PAK1: variants seen among roughly 807,000 people sequenced by gnomAD.
PAK1 encodes p21 (RAC1) activated kinase 1.
PAK1 carries 29 observed loss-of-function variants against 67.4 expected under a neutral mutation model. The ratio of observed to expected loss-of-function variants is 0.43; its 90% CI spans 0.32 to 0.59. The LOEUF (loss-of-function observed/expected upper bound fraction) is 0.59, where lower values mean the gene tolerates loss of function less well. Among genes scored for constraint, PAK1 ranks in the 20% least tolerant of loss-of-function variants. The pLI, the probability that PAK1 is intolerant of heterozygous loss-of-function variation, is 0.07. For missense variants in PAK1, 337 were observed against 670.7 expected, an observed-to-expected ratio of 0.50 and a Z score of 5.50; for synonymous variants, 223 against 237.4, an observed-to-expected ratio of 0.94 and a Z score of 0.56.
At chr11:77,443,859 A>C (rs1194559063) in intron 1 of PAK1, among the ~76,000 whole-genome samples, 1 of 152,240 alleles carries the variant, frequency 6.6e-6, no homozygotes, top group Non-Finnish European at 1.5e-5. Context: ...TAGGGCACCA[A>C]GCAGCTGTGA....
At position 77,325,346 on chromosome 11, in the gene PAK1, T is replaced by C; in HGVS notation, c.1552-1986A>G. 3 of 1,613,818 alleles carry C rather than the reference T, an allele frequency of 1.9e-6. 1 individual carries two copies. Among genetic ancestry groups the C allele is most frequent in the Non-Finnish European group, 1.7e-6 (2 of 1,179,850 alleles). On this transcript the variant is annotated intron_variant, in intron 14 of 14. Transcript: ENST00000356341. The stretch of plus-strand genomic sequence containing the variant: ...TACTTACCAGCTATCATGGAAAAGT[T>C]ACTAAACACTTGAAACCTCAGTTTT...
chr11:77,337,178 C>T (rs958372115), intron 12 of PAK1, 146 bp downstream of exon 12: 2 of 487,000 alleles, frequency 4.1e-6, no homozygotes, highest in Non-Finnish European at 7.4e-6. Context: ...ATGATTAATA[C>T]AGAAAATATA....
At chr11:77,399,783 C>T (rs1362391479) in intron 1 of PAK1, among the ~76,000 whole-genome samples, 5 of 118,010 alleles carry the variant, frequency 4.2e-5, no homozygotes, top group South Asian at 3.1e-4. Flanking sequence ...GGCGTGAACC[C>T]GGGAGGCGGA....
chr11:77,476,178 A>T (rs1365360636), upstream of PAK1: 1 of 152,404 alleles, frequency 6.6e-6, no homozygotes, highest in Admixed American at 6.5e-5. Context: ...CTCAAAAAAA[A>T]TGTATTTAAT....
intron 1 of PAK1, among the ~76,000 whole-genome samples, chr11:77,415,013 A>C (rs1222898405): frequency 6.6e-6 from 1 of 152,194 alleles, no homozygotes; most frequent in African/African-American, 2.4e-5. Flanking sequence ...TATACATAGA[A>C]CTCTTAAAAC....
chr11:77,469,702 TA>T (rs5792771), intron 1 of PAK1, among the ~76,000 whole-genome samples: 1 of 151,668 alleles, frequency 6.6e-6, no homozygotes, highest in South Asian at 2.1e-4. Flanking sequence ...TTTTTTTTTT[TA>T]ATAATGGGCA....
At chr11:77,426,232 C>T (rs1307994400) in intron 1 of PAK1, among the ~76,000 whole-genome samples, 1 of 151,994 alleles carries the variant, frequency 6.6e-6, no homozygotes, top group Non-Finnish European at 1.5e-5. Flanking sequence ...CAAATGGGAA[C>T]CACCACCACC....
chr11:77,389,460 A>C (rs967247350), intron 2 of PAK1, among the ~76,000 whole-genome samples: 1 of 152,226 alleles, frequency 6.6e-6, no homozygotes, highest in Non-Finnish European at 1.5e-5. Flanking sequence ...CAGAGGCTGC[A>C]CCATTTTACA....
chr11:77,460,926 G>C (rs1379690167), intron 1 of PAK1, among the ~76,000 whole-genome samples: 3 of 152,148 alleles, frequency 2.0e-5, no homozygotes, highest in Non-Finnish European at 4.4e-5. Context: ...TAAAACTGAA[G>C]ACAATTCTGA....
intron 14 of PAK1, among the ~76,000 whole-genome samples, chr11:77,332,430 G>A (rs960861430): frequency 2.3e-4 from 33 of 145,178 alleles, no homozygotes; most frequent in Non-Finnish European, 1.1e-4. Context: ...AAAGGAAGAA[G>A]AAAGGAAAGG....
At chr11:77,427,188 AAG>A (rs1955595805) in intron 1 of PAK1, among the ~76,000 whole-genome samples, 1 of 152,194 alleles carries the variant, frequency 6.6e-6, no homozygotes, top group African/African-American at 2.4e-5. Context: ...ACTTCAGCCT[AAG>A]TGTCTCTGCA....
At chr11:77,474,846 A>C (rs1240775618), upstream of PAK1, 3 of 152,078 alleles carry the variant, frequency 2.0e-5, no homozygotes, top group African/African-American at 7.2e-5. Flanking sequence ...TGTATTTCCC[A>C]ATACCTCCCG....
At chr11:77,448,430 C>T (rs1956711177) in intron 1 of PAK1, among the ~76,000 whole-genome samples, 1 of 152,072 alleles carries the variant, frequency 6.6e-6, no homozygotes, top group Admixed American at 6.5e-5. Flanking sequence ...CAGTACAACA[C>T]AAAATATAAC....
intron 1 of PAK1, among the ~76,000 whole-genome samples, chr11:77,434,535 C>A (rs868498421): frequency 6.6e-6 from 1 of 151,864 alleles, no homozygotes; most frequent in Non-Finnish European, 1.5e-5. Flanking sequence ...GTAACCTCAA[C>A]CTCCTGGGCT....
chr11:77,525,912 G>A, the PAK1 span, among the ~76,000 whole-genome samples: 1 of 152,240 alleles, frequency 6.6e-6, no homozygotes, highest in Non-Finnish European at 1.5e-5. Context: ...GGGAATCAAA[G>A]TGGCACTTCC....
intron 1 of PAK1, among the ~76,000 whole-genome samples, chr11:77,451,495 T>C (rs1956849491): frequency 6.6e-6 from 1 of 152,250 alleles, no homozygotes; most frequent in South Asian, 2.1e-4. Flanking sequence ...AATACACAAG[T>C]TTGCCTGTTT....
chr11:77,389,629 T>C (rs1400647735), intron 2 of PAK1, among the ~76,000 whole-genome samples: 2 of 152,276 alleles, frequency 1.3e-5, no homozygotes, highest in African/African-American at 4.8e-5. Context: ...AATCCTTTCA[T>C]GTGCTTCTTG....
chr11:77,404,869 T>C (rs747272610), intron 1 of PAK1, among the ~76,000 whole-genome samples: 4 of 152,182 alleles, frequency 2.6e-5, no homozygotes, highest in Non-Finnish European at 5.9e-5. Context: ...ACTAATCTAG[T>C]TGAATAAGAG....
At chr11:77,439,913 G>T (rs1956283050) in intron 1 of PAK1, among the ~76,000 whole-genome samples, 1 of 152,136 alleles carries the variant, frequency 6.6e-6, no homozygotes, top group Non-Finnish European at 1.5e-5. Flanking sequence ...GGCTTCTCAG[G>T]TCACACAAAT....
Sources: gnomAD v4.1 joint callset for allele counts (sites outside exome capture counted in the v4.1 genomes callset) on GRCh38, gnomAD v4.1.1 for gene constraint, MANE v1.5 for transcripts, NCBI Gene and HGNC (gene_info 2026-07-23, HGNC 2026-07-21) for gene names.